GLYATL3: variants seen among roughly 807,000 people sequenced by gnomAD.
GLYATL3 encodes the protein glycine N-acyltransferase-like protein 3.
Under a neutral mutation model 28.5 loss-of-function variants are expected in GLYATL3, and 31 were observed. The observed-to-expected ratio is 1.09, with a 90% CI of 0.82 to 1.47. The LOEUF is 1.47. GLYATL3 is among the 40% of genes most tolerant of loss of function. The probability of loss-of-function intolerance (pLI) is 0.00; values close to 1 mark genes in which losing one functional copy is unlikely to be tolerated. For synonymous variants in GLYATL3, 141 were observed against 140.2 expected (o/e 1.01, Z -0.04); for missense variants, 369 against 351.5 (o/e 1.05, Z -0.40).
At chr6:49,512,183 T>C in intron 2 of GLYATL3, 115 bp downstream of exon 2, 1 of 501,126 alleles carries the variant, frequency 2.0e-6, no homozygotes, top group South Asian at 4.5e-5. Flanking sequence ...TAGGAGCACT[T>C]GTTAAACATA....
Position 49,517,694 on chromosome 6 carries a change from T to C in GLYATL3, c.313+138T>C, listed in dbSNP as rs553096176. On this transcript the variant is annotated intron_variant, in intron 4 of 5. Coordinates refer to ENST00000371197, the MANE Select transcript of GLYATL3 (RefSeq NM_001010904.2). ...ACCTGTATGTATAAATACATACACA[T>C]ACATTTTATGCATTTACCATTTCTA... is the stretch of plus-strand genomic sequence containing the variant. The C allele has an allele frequency of 1.0e-3, 546 of 542,800 alleles. 3 individuals are homozygous for C. Among genetic ancestry groups the C allele is most frequent in the African/African-American group, 9.8e-3 (506 of 51,558 alleles). 33.6% of individuals were successfully genotyped at this position (542,800 alleles called of 1,614,324 possible). A position where few individuals can be genotyped will look rare whatever the true frequency, so the allele number is the denominator to read the frequency against.
At chr6:49,504,778 T>G (rs181727134) in intron 1 of GLYATL3, among the ~76,000 whole-genome samples, 120 of 152,298 alleles carry the variant, frequency 7.9e-4, no homozygotes, top group African/African-American at 2.8e-3. Flanking sequence ...ATTGTCTGTT[T>G]TGCGCTCACT....
intron 5 of GLYATL3, among the ~76,000 whole-genome samples, chr6:49,525,413 A>T (rs1769391891): frequency 6.6e-6 from 1 of 151,808 alleles, no homozygotes; most frequent in African/African-American, 2.4e-5. Context: ...TAAAAATACA[A>T]AAATTAGCCA....
chr6:49,516,057 C>T (rs1391231433), intron 3 of GLYATL3, among the ~76,000 whole-genome samples: 3 of 151,806 alleles, frequency 2.0e-5, no homozygotes, highest in African/African-American at 7.3e-5. Flanking sequence ...GCCTCCGCCT[C>T]CTGAGTAGTT....
chr6:49,520,599 T>C (rs1769296913), intron 4 of GLYATL3, among the ~76,000 whole-genome samples: 1 of 152,020 alleles, frequency 6.6e-6, no homozygotes, highest in Non-Finnish European at 1.5e-5. Context: ...CCATTAGTCA[T>C]GGGAAGAGGG....
chr6:49,519,897 TG>T (rs1396394407), intron 4 of GLYATL3, among the ~76,000 whole-genome samples: 2 of 152,196 alleles, frequency 1.3e-5, no homozygotes, highest in African/African-American at 4.8e-5. Flanking sequence ...TGCTCACTAC[TG>T]GTTGCACTGA....
intron 5 of GLYATL3, among the ~76,000 whole-genome samples, chr6:49,526,223 G>C (rs1171285346): frequency 6.6e-6 from 1 of 152,058 alleles, no homozygotes; most frequent in African/African-American, 2.4e-5. Flanking sequence ...AGAACAGCCT[G>C]GCCAACATCG....
intron 5 of GLYATL3, among the ~76,000 whole-genome samples, chr6:49,525,647 A>G (rs1452736212): frequency 6.6e-6 from 1 of 151,792 alleles, no homozygotes; most frequent in Non-Finnish European, 1.5e-5. Flanking sequence ...GGCAGCACTC[A>G]GAATGAGAAG....
chr6:49,511,598 C>T (rs1175509710), intron 1 of GLYATL3, among the ~76,000 whole-genome samples: 1 of 152,150 alleles, frequency 6.6e-6, no homozygotes, highest in Non-Finnish European at 1.5e-5. Context: ...AAGAAGGCAT[C>T]GGTCCTACCT....
intron 1 of GLYATL3, among the ~76,000 whole-genome samples, chr6:49,505,388 A>T (rs1007251856): frequency 4.6e-5 from 7 of 152,238 alleles, no homozygotes; most frequent in African/African-American, 1.7e-4. Context: ...AAATCCTGTA[A>T]TGCAGAGATA....
At chr6:49,518,493 T>A (rs1468245715) in intron 4 of GLYATL3, among the ~76,000 whole-genome samples, 3 of 152,222 alleles carry the variant, frequency 2.0e-5, no homozygotes, top group African/African-American at 7.2e-5. Flanking sequence ...AACAGGAAAG[T>A]AGGGAACCTC....
chr6:49,509,489 T>C (rs989947253), intron 1 of GLYATL3, among the ~76,000 whole-genome samples: 3 of 152,174 alleles, frequency 2.0e-5, no homozygotes, highest in East Asian at 1.9e-4. Flanking sequence ...GTACAACCAA[T>C]AAGTGCTATG....
intron 1 of GLYATL3, among the ~76,000 whole-genome samples, chr6:49,507,779 A>G (rs950635246): frequency 2.6e-5 from 4 of 152,066 alleles, no homozygotes; most frequent in African/African-American, 7.2e-5. Flanking sequence ...CACACACAAG[A>G]TAGTGAAAGC....
intron 4 of GLYATL3, among the ~76,000 whole-genome samples, chr6:49,519,695 A>C (rs1403288494): frequency 6.6e-6 from 1 of 152,218 alleles, no homozygotes; most frequent in Non-Finnish European, 1.5e-5. Context: ...CTGCTTCAGG[A>C]CTTGATGTCC....
At position 49,509,960 on chromosome 6, in the gene GLYATL3, TTC is replaced by T. The variant is rs1281059393; in HGVS notation, c.-28-2001_-28-2000del. 2.0e-4 allele frequency among the ~76,000 whole-genome samples: 23 copies of T among 117,524 alleles called. 1 individual carries two copies. Among genetic ancestry groups the T allele is most frequent in the Admixed American group, 5.2e-4 (6 of 11,620 alleles). The allele number at this position is 117,524 out of a possible 152,430, so 77.1% of individuals were successfully genotyped here. A position where few individuals can be genotyped will look rare whatever the true frequency, so the allele number is the denominator to read the frequency against. On this transcript the variant is annotated intron_variant, in intron 1 of 5. Transcript: ENST00000371197. ...ACGTATTTTCTTTCTCTTTCTTTCT[TTC>T]TTTCTTTCTTTCTTTCTTTCTTTCT...
At chr6:49,524,990 A>C (rs887024452) in intron 5 of GLYATL3, among the ~76,000 whole-genome samples, 3 of 150,966 alleles carry the variant, frequency 2.0e-5, no homozygotes, top group African/African-American at 7.3e-5. Flanking sequence ...AAAAAAAAAA[A>C]AGAACAAACA....
chr6:49,513,304 C>G (rs1003137990), intron 2 of GLYATL3, among the ~76,000 whole-genome samples: 3 of 151,936 alleles, frequency 2.0e-5, no homozygotes, highest in African/African-American at 7.3e-5. Context: ...TCTCATTCCC[C>G]CAGCACATTG....
chr6:49,500,981 T>A (rs956197123), intron 1 of GLYATL3, among the ~76,000 whole-genome samples: 1 of 152,246 alleles, frequency 6.6e-6, no homozygotes, highest in Non-Finnish European at 1.5e-5. Flanking sequence ...AATTGTAGTG[T>A]CCTCTCTGCA....
intron 1 of GLYATL3, among the ~76,000 whole-genome samples, chr6:49,502,750 GCAAT>G (rs1365544676): frequency 2.0e-5 from 3 of 152,036 alleles, no homozygotes; most frequent in Non-Finnish European, 2.9e-5. Context: ...CACAGTAACA[GCAAT>G]CAAACCATTA....
Sources: allele counts gnomAD v4.1 joint callset (sites outside exome capture counted in the v4.1 genomes callset), GRCh38; gene constraint gnomAD v4.1.1; transcripts MANE v1.5; gene names NCBI Gene and HGNC (gene_info 2026-07-23, HGNC 2026-07-21).